Variants in PCCA observed in about 807,000 individuals in gnomAD.
PCCA encodes propionyl-CoA carboxylase alpha chain, mitochondrial.
A neutral mutation model predicts 101.3 loss-of-function variants in PCCA; 74 were observed. The observed-to-expected ratio is 0.73, with a 90% CI of 0.61 to 0.89. The LOEUF (loss-of-function observed/expected upper bound fraction) is 0.89, where lower values mean the gene tolerates loss of function less well. PCCA is among the 40% of genes least tolerant of loss of function. The pLI is 0.00. For synonymous variants in PCCA, 294 were observed against 313.6 expected (o/e 0.94, Z 0.66); for missense variants, 891 against 907.0 (o/e 0.98, Z 0.23).
intron 19 of PCCA, among the ~76,000 whole-genome samples, chr13:100,410,256 T>C (rs2077956596): frequency 6.6e-6 from 1 of 152,180 alleles, no homozygotes; most frequent in Admixed American, 6.5e-5. Flanking sequence ...TTTGTTTTGT[T>C]TTTTTGAGAC....
intron 20 of PCCA, among the ~76,000 whole-genome samples, chr13:100,448,310 G>T (rs904773873): frequency 2.0e-5 from 3 of 152,154 alleles, no homozygotes; most frequent in Admixed American, 2.0e-4. Flanking sequence ...CTTCTGCCTT[G>T]GCCTCCCGAG....
intron 6 of PCCA, among the ~76,000 whole-genome samples, chr13:100,158,486 A>G (rs2054097216): frequency 6.6e-6 from 1 of 152,234 alleles, no homozygotes; most frequent in Non-Finnish European, 1.5e-5. Flanking sequence ...TGAGGGGGCA[A>G]ATTACATGGA....
intron 6 of PCCA, among the ~76,000 whole-genome samples, chr13:100,181,672 C>T (rs1242566340): frequency 1.3e-5 from 2 of 151,688 alleles, no homozygotes; most frequent in East Asian, 3.9e-4. Context: ...ATCCGCTTGT[C>T]TTGATTCCTT....
intron 6 of PCCA, among the ~76,000 whole-genome samples, chr13:100,207,325 TAA>T (rs1463254215): frequency 1.3e-5 from 2 of 152,176 alleles, no homozygotes; most frequent in Admixed American, 1.3e-4. Flanking sequence ...CTCTTGAATT[TAA>T]AGACATTGGC....
intron 19 of PCCA, among the ~76,000 whole-genome samples, chr13:100,384,715 A>G (rs566601484): frequency 2.0e-5 from 3 of 152,250 alleles, no homozygotes; most frequent in Admixed American, 6.5e-5. Flanking sequence ...TTGAACATGA[A>G]AAGGACATCA....
intron 10 of PCCA, among the ~76,000 whole-genome samples, chr13:100,264,315 C>T (rs1449312180): frequency 6.6e-6 from 1 of 151,592 alleles, no homozygotes; most frequent in Non-Finnish European, 1.5e-5. Flanking sequence ...CTTAAGTGTG[C>T]AATTGAAGAC....
At chr13:100,262,672 C>A in intron 9 of PCCA, 57 bp from the exon 10 acceptor site, 1 of 769,160 alleles carries the variant, frequency 1.3e-6, no homozygotes, top group Non-Finnish European at 2.4e-6. Context: ...CTCCTTCTTC[C>A]CCTTCCCCTT....
intron 20 of PCCA, among the ~76,000 whole-genome samples, chr13:100,428,255 A>G (rs1056991806): frequency 6.6e-6 from 1 of 151,620 alleles, no homozygotes; most frequent in African/African-American, 2.4e-5. Context: ...TTTTGTAGAG[A>G]TGAGGCCTCA....
intron 12 of PCCA, among the ~76,000 whole-genome samples, chr13:100,286,412 T>C (rs1168623283): frequency 2.0e-5 from 3 of 152,150 alleles, no homozygotes; most frequent in Non-Finnish European, 4.4e-5. Context: ...AATTGGCTAA[T>C]TTAAAGAGAA....
chr13:100,121,614 A>G (rs1476196079), intron 4 of PCCA, among the ~76,000 whole-genome samples: 1 of 151,884 alleles, frequency 6.6e-6, no homozygotes, highest in Non-Finnish European at 1.5e-5. Context: ...AGCTGGGACT[A>G]CAGGCATCTG....
intron 4 of PCCA, among the ~76,000 whole-genome samples, chr13:100,140,704 A>C (rs1452366048): frequency 6.6e-6 from 1 of 152,230 alleles, no homozygotes; most frequent in Non-Finnish European, 1.5e-5. Context: ...TGATTCGTGC[A>C]TTCTTTTGAG....
At chr13:100,271,434 C>T (rs2063308015) in intron 11 of PCCA, among the ~76,000 whole-genome samples, 1 of 151,886 alleles carries the variant, frequency 6.6e-6, no homozygotes, top group Non-Finnish European at 1.5e-5. Context: ...GGCTCTGAGT[C>T]TAACTAGCAA....
At chr13:100,442,138 C>G (rs1385675751) in intron 20 of PCCA, among the ~76,000 whole-genome samples, 1 of 152,098 alleles carries the variant, frequency 6.6e-6, no homozygotes, top group Admixed American at 6.5e-5. Flanking sequence ...GGATTACAGG[C>G]GCGTGCCACC....
Position 100,515,412 on chromosome 13 carries a change from TG to T in PCCA, c.1900-14del. ...TTTAAACTCATTTATGGTTTGGTTT[TG>T]TTTTTCCCTTAAGTACAAGGTGAAT... On this transcript the variant is annotated splice_polypyrimidine_tract_variant and intron_variant, in intron 21 of 23. Transcript: ENST00000376285. 6.2e-7 allele frequency: 1 copy of T among 1,613,190 alleles called. No homozygotes were observed. The highest frequency in any genetic ancestry group is 8.5e-7 in the Non-Finnish European group (1 of 1,179,106).
chr13:100,297,316 G>A (rs1429832235), intron 12 of PCCA, among the ~76,000 whole-genome samples: 2 of 152,182 alleles, frequency 1.3e-5, no homozygotes, highest in Admixed American at 6.5e-5. Flanking sequence ...ACTAGCTTTA[G>A]CATACTTCCT....
intron 12 of PCCA, among the ~76,000 whole-genome samples, chr13:100,300,182 A>G (rs1335419213): frequency 1.3e-5 from 2 of 152,238 alleles, no homozygotes; most frequent in East Asian, 3.8e-4. Context: ...TAAACTACCT[A>G]ATAAGATCTT....
chr13:100,197,259 G>T (rs1668614577), intron 6 of PCCA, among the ~76,000 whole-genome samples: 1 of 152,024 alleles, frequency 6.6e-6, no homozygotes, highest in African/African-American at 2.4e-5. Context: ...CCAGGCTGGA[G>T]TGCAGTGGTG....
intron 8 of PCCA, among the ~76,000 whole-genome samples, chr13:100,240,602 T>G (rs1008219520): frequency 2.0e-5 from 3 of 152,132 alleles, no homozygotes. Context: ...ATTCATAAAC[T>G]TTTCTCCAAG....
chr13:100,365,001 A>G (rs905162248), intron 18 of PCCA, among the ~76,000 whole-genome samples: 1 of 152,142 alleles, frequency 6.6e-6, no homozygotes, highest in African/African-American at 2.4e-5. Flanking sequence ...GTGAGCTATG[A>G]TTGGGCCACT....
Sources: gnomAD v4.1 joint callset for allele counts (sites outside exome capture counted in the v4.1 genomes callset) on GRCh38, gnomAD v4.1.1 for gene constraint, MANE v1.5 for transcripts, NCBI Gene and HGNC (gene_info 2026-07-23, HGNC 2026-07-21) for gene names.